Variants in CMTR1 observed in about 807,000 individuals in gnomAD.
CMTR1 encodes cap-specific mRNA (nucleoside-2'-O-)-methyltransferase 1.
In CMTR1, 39 loss-of-function variants were observed where a neutral mutation model predicts 107.0. The ratio of observed to expected loss-of-function variants is 0.36; its 90% CI spans 0.28 to 0.48. The LOEUF is 0.48. Ranked by LOEUF, CMTR1 falls within the 20% of genes least tolerant of loss-of-function variation. The pLI is 0.99. For synonymous variants in CMTR1, 366 were observed against 379.5 expected, an observed-to-expected ratio of 0.96 and a Z score of 0.41; for missense variants, 672 against 1,064.9, an observed-to-expected ratio of 0.63 and a Z score of 5.14.
At chr6:37,479,863 G>T in intron 23 of CMTR1, 150 bp from the exon 24 acceptor site, 1 of 735,380 alleles carries the variant, frequency 1.4e-6, no homozygotes, top group Non-Finnish European at 2.1e-6. Flanking sequence ...AGGCAGGGGA[G>T]TTAGGGCCTA....
Position 37,453,114 on chromosome 6 carries a change from T to C in CMTR1, c.677T>C (p.Met226Thr). The C allele has an allele frequency of 6.2e-7, 1 of 1,614,198 alleles. No homozygotes were observed. Among genetic ancestry groups the C allele is most frequent in the East Asian group, 2.2e-5 (1 of 44,882 alleles). ...CGGACTCGGGCCAATCCCTATGAGA[T>C]GATCCGAGGAGTCTTCTTTCTAAAC... ...RARTRANPYE[M>T]IRGVFFLNRA... Residue 226 changes from methionine to threonine, a missense_variant, in exon 7 of 24, where the codon ATG (methionine) becomes ACG (threonine). Around this residue, in one of 2 missense-constraint regions of CMTR1, gnomAD observed 583 missense variants for 968.4 expected, o/e 0.60. Coordinates refer to ENST00000373451, the MANE Select transcript of CMTR1 (RefSeq NM_015050.3).
intron 4 of CMTR1, among the ~76,000 whole-genome samples, chr6:37,447,413 G>A (rs868493177): frequency 1.3e-5 from 2 of 152,170 alleles, no homozygotes; most frequent in South Asian, 4.1e-4. Flanking sequence ...CTGGCAATGC[G>A]GAACAGGGTA....
rs1381844103 is a variant in CMTR1 at position 37,479,364 on chromosome 6, T to C, written c.2375+109T>C. The C allele has an allele frequency of 5.0e-6, 4 of 796,662 alleles. No individual in the cohort carries two copies. In the East Asian group the frequency reaches 9.9e-5, roughly 20 times the overall value. 49.3% of individuals were successfully genotyped at this position (796,662 alleles called of 1,614,324 possible). ...CCCTGGGTCCTGAGACTGTTGCCCATGCAGGGGTTCCCCTGAGCACAGGCC... is the reference window on the plus strand; with the variant it reads ...CCCTGGGTCCTGAGACTGTTGCCCACGCAGGGGTTCCCCTGAGCACAGGCC... On this transcript the variant is annotated intron_variant, in intron 23 of 23. Transcript: ENST00000373451.
chr6:37,430,149 A>G (rs1771342636), upstream of CMTR1, among the ~76,000 whole-genome samples: 1 of 152,108 alleles, frequency 6.6e-6, no homozygotes, highest in Non-Finnish European at 1.5e-5. Flanking sequence ...AACGAAGGGG[A>G]AAAAAATTGG....
At chr6:37,446,077 G>C (rs1195237561) in intron 3 of CMTR1, among the ~76,000 whole-genome samples, 2 of 152,132 alleles carry the variant, frequency 1.3e-5, no homozygotes, top group Admixed American at 6.5e-5. Flanking sequence ...ATTTCTGGTT[G>C]CCCTAGACTT....
At chr6:37,473,359 G>C in intron 16 of CMTR1, 111 bp from the exon 17 acceptor site, 2 of 1,174,260 alleles carry the variant, frequency 1.7e-6, no homozygotes, top group Non-Finnish European at 2.4e-6. Context: ...ATATTTCAGA[G>C]AGCCAATGCT....
At chr6:37,454,706 G>A (rs1761254764) in intron 8 of CMTR1, among the ~76,000 whole-genome samples, 1 of 152,174 alleles carries the variant, frequency 6.6e-6, no homozygotes, top group South Asian at 2.1e-4. Context: ...AATGCTTCAG[G>A]CAGCTTCTTG....
chr6:37,436,934 G>A (rs535150859), intron 2 of CMTR1, among the ~76,000 whole-genome samples: 1 of 152,254 alleles, frequency 6.6e-6, no homozygotes, highest in Admixed American at 6.5e-5. Flanking sequence ...AAGGTAGTAG[G>A]AAATACAGTT....
chr6:37,458,115 C>T lies in CMTR1; in HGVS notation c.778-497C>T, dbSNP rs551897364. Among the ~76,000 whole-genome samples, 23 of 152,144 alleles carry T rather than the reference C, an allele frequency of 1.5e-4. No homozygotes were observed. Among genetic ancestry groups the T allele is most frequent in the Admixed American group, 3.9e-4 (6 of 15,284 alleles). On this transcript the variant is annotated intron_variant, in intron 8 of 23. Coordinates refer to ENST00000373451, the MANE Select transcript of CMTR1 (RefSeq NM_015050.3). This position sits in a 1 kb window ranked among gnomAD's most constrained non-coding sequence, Gnocchi z 4.7. ...TGTCGCCCAGGCTCAAGTGCAGTGG[C>T]GCGATCTCAGCTCACTGCAACCTCT...
At position 37,474,728 on chromosome 6, in the gene CMTR1, A is replaced by C. The variant is rs1054873978; in HGVS notation, c.1944+82A>C. 7.6e-6 allele frequency: 12 copies of C among 1,573,766 alleles called. 1 individual carries two copies. In the African/African-American group the frequency reaches 1.6e-4, roughly 21 times the overall value. Reference sequence around the variant, plus strand: ...TGAACCTGGCCTTTTGCCCTGAGTTAACTTGGTTACATTGTGTGGTGGCTG... The same window carrying C: ...TGAACCTGGCCTTTTGCCCTGAGTTCACTTGGTTACATTGTGTGGTGGCTG... On this transcript the variant is annotated intron_variant, in intron 18 of 23. Coordinates refer to ENST00000373451, the MANE Select transcript of CMTR1 (RefSeq NM_015050.3).
upstream of CMTR1, among the ~76,000 whole-genome samples, chr6:37,428,464 T>C (rs1771323761): frequency 2.0e-5 from 3 of 152,054 alleles, no homozygotes; most frequent in Admixed American, 6.6e-5. Context: ...TTTTGTTTTG[T>C]TTTGTTTTTT....
Position 37,481,184 on chromosome 6 carries a change from AAC to A in CMTR1, c.*1043_*1044del, listed in dbSNP as rs1561795706. The A allele has an allele frequency of 7.7e-7, 1 of 1,303,886 alleles. No homozygotes were observed. The highest frequency in any genetic ancestry group is 1.0e-6 in the Non-Finnish European group (1 of 988,810). 80.8% of individuals were successfully genotyped at this position (1,303,886 alleles called of 1,614,324 possible). ...TCCCATTTCCTTTATCTTGGCCGAC[AAC>A]ACAGAGAGGAGGGGGAGCTGGGCAG... On this transcript the variant is annotated 3_prime_UTR_variant, in exon 24 of 24. Transcript: ENST00000373451.
Position 37,435,668 on chromosome 6 carries a change from C to T in CMTR1, c.39C>T (p.Ile13=). 1 of 1,600,930 alleles carries T rather than the reference C, an allele frequency of 6.2e-7. No individual in the cohort carries two copies. The highest frequency in any genetic ancestry group is 8.5e-7 in the Non-Finnish European group (1 of 1,174,958). The part of the protein sequence containing the change: ...RRTDPECTAP[I]KKQKKRVAEL... The stretch of plus-strand genomic sequence containing the variant: ...CTGACCCAGAATGCACTGCCCCCAT[C>T]AAGAAACAGAAAAAAAGAGTTGCAG... Residue 13 remains isoleucine, a synonymous_variant, in exon 2 of 24, where the codon ATC becomes ATT. Coordinates refer to ENST00000373451, the MANE Select transcript of CMTR1 (RefSeq NM_015050.3).
chr6:37,476,045 A>G, intron 19 of CMTR1, 81 bp from the exon 20 acceptor site: 2 of 1,313,372 alleles, frequency 1.5e-6, no homozygotes, highest in South Asian at 1.2e-5. Flanking sequence ...CTCCTACTGG[A>G]GCTGTGAAAA....
chr6:37,459,440 C>A (rs572170630), intron 9 of CMTR1, 126 bp from the exon 10 acceptor site: 386 of 749,654 alleles, frequency 5.1e-4, no homozygotes, highest in Non-Finnish European at 8.4e-4. Context: ...TGTAAGGGAG[C>A]CTTGCAGGAT....
chr6:37,478,579 T>A, intron 22 of CMTR1, 58 bp downstream of exon 22: 1 of 1,405,272 alleles, frequency 7.1e-7, no homozygotes, highest in Non-Finnish European at 1.0e-6. Flanking sequence ...CCTCGCCAGG[T>A]GATGGGTCCA....
rs916998279 is a variant in CMTR1 at position 37,472,048 on chromosome 6, C to A, written c.1620+144C>A. 2 of 761,466 alleles carry A rather than the reference C, an allele frequency of 2.6e-6. No individual in the cohort carries two copies. Among genetic ancestry groups the A allele is most frequent in the South Asian group, 1.8e-5 (1 of 56,034 alleles). 47.2% of individuals were successfully genotyped at this position (761,466 alleles called of 1,614,324 possible). On this transcript the variant is annotated intron_variant, in intron 15 of 23. Transcript: ENST00000373451. This position sits in a 1 kb window ranked among gnomAD's most constrained non-coding sequence, Gnocchi z 4.1. ...CACAGCATCCCAGAGGTTGACATCTCGGCATTGTTGGTAGTTACGTCCTTG... is the reference window on the plus strand; with the variant it reads ...CACAGCATCCCAGAGGTTGACATCTAGGCATTGTTGGTAGTTACGTCCTTG...
chr6:37,459,449 A>T (rs757261200), intron 9 of CMTR1, 117 bp from the exon 10 acceptor site: 12 of 792,678 alleles, frequency 1.5e-5, no homozygotes, highest in Non-Finnish European at 2.5e-5. Context: ...GCCTTGCAGG[A>T]TGGGCCCTAG....
At chr6:37,479,306 TGCAGGATGCCA>T (rs1454840180) in intron 23 of CMTR1, 51 bp downstream of exon 23, 3 of 1,267,418 alleles carry the variant, frequency 2.4e-6, no homozygotes, top group Middle Eastern at 1.9e-4. Flanking sequence ...CAAGTACTCC[TGCAGGATGCCA>T]GCCAGCTGTC....
Sources: gnomAD v4.1 joint callset for allele counts (sites outside exome capture counted in the v4.1 genomes callset) on GRCh38, gnomAD v4.1.1 for gene constraint, gnomAD v4.1.1 regional missense constraint, Gnocchi (gnomAD v3.1) non-coding constraint, MANE v1.5 for transcripts, NCBI Gene and HGNC (gene_info 2026-07-23, HGNC 2026-07-21) for gene names.